SRRM3: variants seen among roughly 807,000 people sequenced by gnomAD.
SRRM3 encodes the protein serine/arginine repetitive matrix 3.
Under a neutral mutation model 66.2 loss-of-function variants are expected in SRRM3, and 27 were observed. The ratio of observed to expected loss-of-function variants is 0.41; its 90% CI spans 0.30 to 0.56. The LOEUF (loss-of-function observed/expected upper bound fraction) is 0.56. Ranked by LOEUF, SRRM3 falls within the 20% of genes least tolerant of loss-of-function variation. The pLI is 0.32. For synonymous variants in SRRM3, 391 were observed against 414.9 expected (o/e 0.94, Z 0.70); for missense variants, 918 against 991.9 (o/e 0.93, Z 1.00).
Position 76,282,850 on chromosome 7 carries a change from T to A in SRRM3, c.1573T>A (p.Ser525Thr). The change falls in exon 13 of 15, where the codon TCG becomes ACG. Residue 525 changes from serine to threonine, a missense_variant. Physicochemically the swap from Ser to Thr is moderately conservative, Grantham distance 58. Transcript: ENST00000611745. ...GCCCCACAGCCCCAGCCGCTCGCCG[T>A]CGCCCAAGAAGCCCCTCAGCCGGTG... ...KRPHSPSRSP[S>T]PKKPLSRDKD... The A allele has an allele frequency of 6.9e-7, 1 of 1,453,448 alleles. No homozygotes were observed. Among genetic ancestry groups the A allele is most frequent in the South Asian group, 1.3e-5 (1 of 75,828 alleles). 90.0% of individuals were successfully genotyped at this position (1,453,448 alleles called of 1,614,324 possible).
chr7:76,274,985 A>G (rs1317510039), intron 11 of SRRM3, among the ~76,000 whole-genome samples: 1 of 152,082 alleles, frequency 6.6e-6, no homozygotes, highest in Non-Finnish European at 1.5e-5. Context: ...ACATGCCTGT[A>G]ATCCCAGCTA....
At chr7:76,235,498 G>C (rs1801122612) in intron 2 of SRRM3, among the ~76,000 whole-genome samples, 199 bp downstream of exon 2, 1 of 152,154 alleles carries the variant, frequency 6.6e-6, no homozygotes. Context: ...AGACCAGTTG[G>C]GGTGAAGCCA....
At chr7:76,219,373 T>C (rs1244523896) in intron 1 of SRRM3, among the ~76,000 whole-genome samples, 7 of 152,240 alleles carry the variant, frequency 4.6e-5, no homozygotes, top group Admixed American at 1.3e-4. Flanking sequence ...CTGCATTACC[T>C]GTACTGTGGA....
At chr7:76,254,844 G>C (rs1801665866) in intron 3 of SRRM3, among the ~76,000 whole-genome samples, 1 of 152,114 alleles carries the variant, frequency 6.6e-6, no homozygotes, top group Non-Finnish European at 1.5e-5. Flanking sequence ...GAATTTTAGG[G>C]ACAAGGACAG....
chr7:76,263,569 A>G (rs1554609048), intron 8 of SRRM3, among the ~76,000 whole-genome samples: 3 of 152,150 alleles, frequency 2.0e-5, no homozygotes, highest in African/African-American at 7.2e-5. Context: ...ATTCAAAAGC[A>G]GGGAGATTGG....
Position 76,286,668 on chromosome 7 carries a change from T to G in SRRM3, c.*825T>G, listed in dbSNP as rs1237164675. 1 of 152,174 alleles carries G rather than the reference T, an allele frequency of 6.6e-6. No individual in the cohort carries two copies. The highest frequency in any genetic ancestry group is 1.5e-5 in the Non-Finnish European group (1 of 68,070). 9.4% of individuals were successfully genotyped at this position (152,174 alleles called of 1,614,324 possible). ...TACAGACCTCAGGTACATTTGACCC[T>G]GAGGTTAAAAGGGGTTCAGGTCAAG... On this transcript the variant is annotated 3_prime_UTR_variant, in exon 15 of 15. Transcript: ENST00000611745.
At chr7:76,236,277 C>A (rs1297282067) in intron 2 of SRRM3, among the ~76,000 whole-genome samples, 1 of 149,708 alleles carries the variant, frequency 6.7e-6, no homozygotes, top group African/African-American at 2.5e-5. Flanking sequence ...ACATTGCACT[C>A]CAGCCTGGGC....
In SRRM3 at chr7:76,239,929, C is replaced by A. The variant is rs1236908226; in HGVS notation, c.233+4630C>A. Among the ~76,000 whole-genome samples the A allele has an allele frequency of 2.7e-5, 4 of 148,962 alleles. No homozygotes were observed. The East Asian group carries it at 8.1e-4, about 30-fold the overall frequency. On this transcript the variant is annotated intron_variant, in intron 2 of 14. Coordinates refer to ENST00000611745, the MANE Select transcript of SRRM3 (RefSeq NM_001110199.3). The stretch of plus-strand genomic sequence containing the variant: ...CTGTAATCCCAGCACTTTGGGAGGC[C>A]AAGGTAGGTGGATCACCTGAGGTCA...
At chr7:76,270,879 G>A (rs1802192684) in intron 11 of SRRM3, among the ~76,000 whole-genome samples, 4 of 151,960 alleles carry the variant, frequency 2.6e-5, no homozygotes, top group African/African-American at 9.7e-5. Flanking sequence ...GGAGGCTGAG[G>A]CAGGAGGATC....
intron 2 of SRRM3, among the ~76,000 whole-genome samples, chr7:76,244,487 G>T (rs1371996587): frequency 6.9e-6 from 1 of 145,232 alleles, no homozygotes; most frequent in Non-Finnish European, 1.5e-5. Flanking sequence ...TTGTGCCACT[G>T]CACTCTAGCC....
chr7:76,285,892 G>A lies in SRRM3; in HGVS notation c.*49G>A. The A allele has an allele frequency of 4.6e-6, 7 of 1,510,786 alleles. No individual in the cohort carries two copies. The highest frequency in any genetic ancestry group is 5.3e-6 in the Non-Finnish European group (6 of 1,124,420). The allele number at this position is 1,510,786 out of a possible 1,614,324, so 93.6% of individuals were successfully genotyped here. ...CCCCCCTGGCACTGGGAGAGGCGAG[G>A]GGCGGGCCCCAGGACCCCAGTGGGG... On this transcript the variant is annotated 3_prime_UTR_variant, in exon 15 of 15. Transcript: ENST00000611745. The surrounding 1 kb of genome is among the most constrained non-coding windows in gnomAD (Gnocchi z 4.1).
chr7:76,265,611 G>A (rs1271782055), intron 10 of SRRM3, 143 bp downstream of exon 10: 5 of 637,346 alleles, frequency 7.8e-6, no homozygotes, highest in Non-Finnish European at 7.5e-6. Context: ...AGCCAGGTGT[G>A]GTGGCTCACT....
intron 2 of SRRM3, among the ~76,000 whole-genome samples, chr7:76,237,072 C>T (rs1346986905): frequency 2.0e-5 from 3 of 152,022 alleles, no homozygotes; most frequent in Admixed American, 1.3e-4. Flanking sequence ...TCGAGACCAG[C>T]CTTGCCAACA....
intron 1 of SRRM3, among the ~76,000 whole-genome samples, chr7:76,219,929 A>AACAC (rs1800667331): frequency 6.6e-6 from 1 of 152,056 alleles, no homozygotes; most frequent in African/African-American, 2.4e-5. Flanking sequence ...CAAACAAACA[A>AACAC]ACAAAGACAA....
At chr7:76,277,760 A>G (rs1307489678) in intron 11 of SRRM3, among the ~76,000 whole-genome samples, 2 of 151,848 alleles carry the variant, frequency 1.3e-5, no homozygotes, top group Admixed American at 1.3e-4. Flanking sequence ...GAAAGAAAAG[A>G]AAAAGAAGAA....
intron 1 of SRRM3, among the ~76,000 whole-genome samples, chr7:76,206,076 C>T (rs1222118378): frequency 1.3e-5 from 2 of 152,094 alleles, no homozygotes; most frequent in African/African-American, 2.4e-5. Context: ...GGCACAATCA[C>T]GGCTCACTGC....
intron 3 of SRRM3, among the ~76,000 whole-genome samples, chr7:76,253,662 C>A (rs1300455672): frequency 1.3e-5 from 2 of 149,820 alleles, no homozygotes; most frequent in East Asian, 2.0e-4. Context: ...AATAAAAATA[C>A]AAAATTAACT....
rs1280134239 is a variant in SRRM3 at position 76,281,694 on chromosome 7, G to T, written c.1262G>T (p.Arg421Leu). The stretch of plus-strand genomic sequence containing the variant: ...CCCGCGCCCCCCCGGGGCTCGTCGC[G>T]CTCGCTCAGCAGGGCCCGCTCCAGC... Reference protein sequence around the residue: ...PRPAPPRGSSRSLSRARSSSD... With the variant: ...PRPAPPRGSSLSLSRARSSSD... The change falls in exon 12 of 15, where the codon CGC (arginine) becomes CTC (leucine). Residue 421 changes from arginine to leucine, a missense_variant. By Grantham distance (102) the Arg-to-Leu change is moderately radical. Coordinates refer to ENST00000611745, the MANE Select transcript of SRRM3 (RefSeq NM_001110199.3). 1.9e-6 allele frequency: 2 copies of T among 1,074,506 alleles called. No individual in the cohort carries two copies. Among genetic ancestry groups the T allele is most frequent in the Non-Finnish European group, 2.3e-6 (2 of 886,860 alleles). The allele number at this position is 1,074,506 out of a possible 1,614,324, so 66.6% of individuals were successfully genotyped here. A position where few individuals can be genotyped will look rare whatever the true frequency, so the allele number is the denominator to read the frequency against.
chr7:76,203,818 G>A (rs551328965), intron 1 of SRRM3, among the ~76,000 whole-genome samples: 19 of 151,858 alleles, frequency 1.3e-4, no homozygotes, highest in African/African-American at 4.4e-4. Flanking sequence ...CCCATCCTCT[G>A]AGTATCAAGG....
Sources: allele counts gnomAD v4.1 joint callset (sites outside exome capture counted in the v4.1 genomes callset), GRCh38; gene constraint gnomAD v4.1.1; non-coding constraint Gnocchi (gnomAD v3.1); transcripts MANE v1.5; gene names NCBI Gene and HGNC (gene_info 2026-07-23, HGNC 2026-07-21).